Variants in SLCO1B3 observed in about 807,000 individuals in gnomAD.
SLCO1B3 encodes liver-specific organic anion transporter 2.
In SLCO1B3, 72 loss-of-function variants were observed where a neutral mutation model predicts 71.8. The ratio of observed to expected loss-of-function variants is 1.00; its 90% CI spans 0.83 to 1.22. SLCO1B3 has a LOEUF of 1.22. Ranked by LOEUF, SLCO1B3 falls within the 50% of genes most tolerant of loss-of-function variation. SLCO1B3 has a pLI of 0.00. For synonymous variants in SLCO1B3, 298 were observed against 278.4 expected (o/e 1.07, Z -0.70); for missense variants, 911 against 819.7 (o/e 1.11, Z -1.36).
At chr12:20,822,200 T>C (rs1231083542) in intron 3 of SLCO1B3, among the ~76,000 whole-genome samples, 5 of 152,274 alleles carry the variant, frequency 3.3e-5, no homozygotes, top group Admixed American at 2.0e-4. Context: ...TGTGTGTCCA[T>C]GTGAAGAGAC....
At chr12:20,901,273 T>C (rs181482161) in intron 14 of SLCO1B3, 77 bp from the exon 15 acceptor site, 1 of 938,798 alleles carries the variant, frequency 1.1e-6, no homozygotes, top group African/African-American at 1.7e-5. Flanking sequence ...TAATCCAAAA[T>C]GTATCAATAT....
At chr12:20,842,059 C>A (rs1466577698) in intron 3 of SLCO1B3, among the ~76,000 whole-genome samples, 2 of 151,924 alleles carry the variant, frequency 1.3e-5, no homozygotes, top group East Asian at 3.9e-4. Context: ...CTGTGCCTGG[C>A]TAATTTTTGT....
intron 13 of SLCO1B3, among the ~76,000 whole-genome samples, chr12:20,889,663 C>G (rs897198195): frequency 6.6e-6 from 1 of 151,940 alleles, no homozygotes; most frequent in Non-Finnish European, 1.5e-5. Context: ...TTTCACTGAT[C>G]CTTTGTAATT....
intron 3 of SLCO1B3, among the ~76,000 whole-genome samples, chr12:20,836,652 GT>G (rs531758633): frequency 4.6e-5 from 7 of 151,752 alleles, no homozygotes; most frequent in Non-Finnish European, 8.8e-5. Flanking sequence ...GTTTTGTTTT[GT>G]TTTTTTGAGA....
Position 20,916,290 on chromosome 12 carries a change from G to GATGAT in SLCO1B3, c.*43_*44insATGAT. On this transcript the variant is annotated 3_prime_UTR_variant, in exon 16 of 16. Coordinates refer to ENST00000381545, the MANE Select transcript of SLCO1B3 (RefSeq NM_019844.4). ...AAGATGTTATTTTTGAGGTGTTCCT[G>GATGAT]GTCTTTCACTGACAATTCCAACATT... 6.3e-7 allele frequency: 1 copy of GATGAT among 1,575,120 alleles called. No individual in the cohort carries two copies. Among genetic ancestry groups the GATGAT allele is most frequent in the Non-Finnish European group, 8.7e-7 (1 of 1,155,590 alleles).
rs552162794 is a variant in SLCO1B3, at chr12:20,818,648, A to G, written c.84+2826A>G. Among the ~76,000 whole-genome samples, 8 of 152,308 alleles carry G rather than the reference A, an allele frequency of 5.3e-5. No homozygotes were observed. In the East Asian group the frequency reaches 1.5e-3, roughly 29 times the overall value. ...ACTAAGAAGTTATTTCCTTGAGGAT[A>G]GATTTCTACGATGGAAAGGAAATGA... On this transcript the variant is annotated intron_variant, in intron 3 of 15. Coordinates refer to ENST00000381545, the MANE Select transcript of SLCO1B3 (RefSeq NM_019844.4).
At chr12:20,842,512 A>G (rs1054948155) in intron 3 of SLCO1B3, among the ~76,000 whole-genome samples, 5 of 151,486 alleles carry the variant, frequency 3.3e-5, no homozygotes, top group African/African-American at 1.2e-4. Context: ...GTTTTTTTTT[A>G]ATTGCTTCTT....
intron 15 of SLCO1B3, among the ~76,000 whole-genome samples, chr12:20,910,969 C>A (rs1471664014): frequency 6.6e-6 from 1 of 151,386 alleles, no homozygotes; most frequent in Non-Finnish European, 1.5e-5. Context: ...ATCACATGGA[C>A]TTTCTGTGTA....
intron 8 of SLCO1B3, among the ~76,000 whole-genome samples, chr12:20,872,404 C>G (rs917409632): frequency 3.3e-5 from 5 of 151,836 alleles, no homozygotes; most frequent in Non-Finnish European, 5.9e-5. Flanking sequence ...ACCCCAAAAG[C>G]CTTCTTGTTG....
At chr12:20,823,151 C>G (rs1275770706) in intron 3 of SLCO1B3, among the ~76,000 whole-genome samples, 1 of 152,132 alleles carries the variant, frequency 6.6e-6, no homozygotes, top group Non-Finnish European at 1.5e-5. Context: ...CCATATCACT[C>G]TGAAGTGTGT....
intron 5 of SLCO1B3, among the ~76,000 whole-genome samples, chr12:20,860,203 C>T (rs1865232240): frequency 6.6e-6 from 1 of 152,160 alleles, no homozygotes; most frequent in Admixed American, 6.5e-5. Context: ...GATCTGCCCG[C>T]CTCCACCTCC....
rs573714735 is a variant in SLCO1B3 at position 20,840,420 on chromosome 12, C to G, written c.85-14608C>G. Among the ~76,000 whole-genome samples, 301 of 145,216 alleles carry G rather than the reference C, an allele frequency of 2.1e-3. 1 individual carries two copies. Among genetic ancestry groups the G allele is most frequent in the African/African-American group, 7.6e-3 (292 of 38,242 alleles). The stretch of plus-strand genomic sequence containing the variant: ...TTTTTTTTTTTTTTTGAGATGGAGT[C>G]TCACTCTGTTGCCCAGGCTGGAATG... On this transcript the variant is annotated intron_variant, in intron 3 of 15. Coordinates refer to ENST00000381545, the MANE Select transcript of SLCO1B3 (RefSeq NM_019844.4).
At chr12:20,819,877 G>T (rs1026702251) in intron 3 of SLCO1B3, among the ~76,000 whole-genome samples, 4 of 152,102 alleles carry the variant, frequency 2.6e-5, no homozygotes, top group African/African-American at 9.7e-5. Flanking sequence ...AATACAAGAA[G>T]AGGATGCAAA....
chr12:20,876,176 A>C (rs7131968), intron 9 of SLCO1B3, among the ~76,000 whole-genome samples: 109,833 of 151,690 alleles, frequency 0.72, 42,365 homozygotes, highest in South Asian at 0.9. Context: ...TATTTGGAGT[A>C]AATAATGTGA....
rs201114863 is a variant in SLCO1B3, at chr12:20,880,840, A to C, written c.1332-15A>C. ...CTTTCTCTTTTTTTGATATATTTCT[A>C]TCATATATTTTCAGAAATAATTCAG... is the stretch of plus-strand genomic sequence containing the variant. On this transcript the variant is annotated splice_polypyrimidine_tract_variant and intron_variant, in intron 11 of 15. Coordinates refer to ENST00000381545, the MANE Select transcript of SLCO1B3 (RefSeq NM_019844.4). 9.1e-6 allele frequency: 14 copies of C among 1,533,074 alleles called. No homozygotes were observed. In the South Asian group the frequency reaches 1.5e-4, roughly 17 times the overall value. 95.0% of individuals were successfully genotyped at this position (1,533,074 alleles called of 1,614,324 possible).
chr12:20,913,644 G>A (rs911848270), intron 15 of SLCO1B3, among the ~76,000 whole-genome samples: 1 of 152,150 alleles, frequency 6.6e-6, no homozygotes. Context: ...AATGTTATCA[G>A]TGTATATCTT....
chr12:20,868,106 A>G (rs1865407454), intron 8 of SLCO1B3, among the ~76,000 whole-genome samples: 1 of 152,234 alleles, frequency 6.6e-6, no homozygotes, highest in African/African-American at 2.4e-5. Flanking sequence ...AATACAGTTT[A>G]TAATACATAC....
chr12:20,812,391 T>C (rs1864124347), intron 1 of SLCO1B3, among the ~76,000 whole-genome samples: 2 of 88,744 alleles, frequency 2.3e-5, no homozygotes, highest in African/African-American at 6.7e-5. Flanking sequence ...TACAGAAGGA[T>C]GAGAGGATGA....
chr12:20,822,827 C>G (rs1419340535), intron 3 of SLCO1B3, among the ~76,000 whole-genome samples: 1 of 152,158 alleles, frequency 6.6e-6, no homozygotes, highest in East Asian at 1.9e-4. Context: ...CAGAACTCAG[C>G]TTTTAGCTTA....
Sources: allele counts gnomAD v4.1 joint callset (sites outside exome capture counted in the v4.1 genomes callset), GRCh38; gene constraint gnomAD v4.1.1; transcripts MANE v1.5; gene names NCBI Gene and HGNC (gene_info 2026-07-23, HGNC 2026-07-21).